The following PTPRG variants were observed in gnomAD, a reference collection of about 807,000 sequenced individuals.
The protein encoded by PTPRG is protein tyrosine phosphatase receptor type G.
A neutral mutation model predicts 165.3 loss-of-function variants in PTPRG; 102 were observed. The observed-to-expected ratio is 0.62, with a 90% confidence interval of 0.53 to 0.73. The LOEUF (loss-of-function observed/expected upper bound fraction) is 0.73. PTPRG is among the 30% of genes least tolerant of loss of function. The pLI is 0.00. For missense variants in PTPRG, 1,866 were observed against 1,861.4 expected (o/e 1.00, Z -0.05); for synonymous variants, 675 against 669.5 (o/e 1.01, Z -0.13).
intron 2 of PTPRG, among the ~76,000 whole-genome samples, chr3:61,775,148 G>T (rs1269451201): frequency 6.6e-6 from 1 of 152,110 alleles, no homozygotes; most frequent in Non-Finnish European, 1.5e-5. Flanking sequence ...TTGGCTCGCT[G>T]CAACCTCTGC....
At chr3:61,803,553 A>G (rs1279057485) in intron 2 of PTPRG, among the ~76,000 whole-genome samples, 1 of 144,230 alleles carries the variant, frequency 6.9e-6, no homozygotes, top group South Asian at 2.1e-4. Context: ...TGCAACCCAC[A>G]GTACTATTTC....
intron 1 of PTPRG, among the ~76,000 whole-genome samples, chr3:61,580,683 A>G (rs1208288744): frequency 6.6e-6 from 1 of 152,204 alleles, no homozygotes; most frequent in Non-Finnish European, 1.5e-5. Flanking sequence ...AAACTTAGTA[A>G]GTGTTACATA....
At chr3:62,276,798 T>A (rs1462220035) in intron 24 of PTPRG, 174 bp from the exon 25 acceptor site, 2 of 579,744 alleles carry the variant, frequency 3.4e-6, no homozygotes, top group East Asian at 5.8e-5. Flanking sequence ...CAGCAAAATT[T>A]CATTTTACAT....
At position 61,836,050 on chromosome 3, in the gene PTPRG, G is replaced by GC. The variant is rs36143527; in HGVS notation, c.190+87077dup. Among the ~76,000 whole-genome samples, 114 of 90,768 alleles carry GC rather than the reference G, an allele frequency of 1.3e-3. 1 individual carries two copies. Among genetic ancestry groups the GC allele is most frequent in the South Asian group, 5.6e-3 (15 of 2,700 alleles). 59.5% of individuals were successfully genotyped at this position (90,768 alleles called of 152,430 possible). A position where few individuals can be genotyped will look rare whatever the true frequency, so the allele number is the denominator to read the frequency against. ...AGTAAATCTCCGTCTCACCCCCCGC[G>GC]CCCCCCCCCACCAAAAAAAAAAATA... On this transcript the variant is annotated intron_variant, in intron 2 of 29. Coordinates refer to ENST00000474889, the MANE Select transcript of PTPRG (RefSeq NM_002841.4).
intron 2 of PTPRG, among the ~76,000 whole-genome samples, chr3:61,793,216 G>C (rs1242959951): frequency 6.6e-6 from 1 of 152,164 alleles, no homozygotes; most frequent in Non-Finnish European, 1.5e-5. Flanking sequence ...ACCGTGACCA[G>C]AATGGGAGTG....
intron 1 of PTPRG, among the ~76,000 whole-genome samples, chr3:61,625,077 T>A (rs184471370): frequency 2.0e-4 from 31 of 151,972 alleles, no homozygotes; most frequent in Non-Finnish European, 4.0e-4. Context: ...GTTCATATTT[T>A]CTCTCTTTTC....
chr3:61,803,469 A>ACAACATGGTTCATGTTGTCCATGTTGTC (rs542302542), intron 2 of PTPRG, among the ~76,000 whole-genome samples: 42 of 131,032 alleles, frequency 3.2e-4, no homozygotes, highest in Admixed American at 8.3e-4. Context: ...ATTGTTTTGG[A>ACAACATGGTTCATGTTGTCCATGTTGTC]CAACATGGTT....
intron 2 of PTPRG, among the ~76,000 whole-genome samples, chr3:61,795,115 G>C (rs1170858718): frequency 6.6e-6 from 1 of 152,062 alleles, no homozygotes; most frequent in African/African-American, 2.4e-5. Context: ...ATCCCTTTTA[G>C]TATCCCATTT....
intron 2 of PTPRG, among the ~76,000 whole-genome samples, chr3:61,981,303 T>G (rs936883575): frequency 6.6e-6 from 1 of 152,184 alleles, no homozygotes; most frequent in Non-Finnish European, 1.5e-5. Flanking sequence ...TAAGATGACA[T>G]TTGGATGGGG....
At chr3:61,761,669 T>C (rs371511635) in intron 2 of PTPRG, among the ~76,000 whole-genome samples, 2 of 152,174 alleles carry the variant, frequency 1.3e-5, no homozygotes, top group Non-Finnish European at 2.9e-5. Flanking sequence ...TGCAACCCAT[T>C]TCTTGAATTG....
chr3:62,179,415 G>A (rs534217538), intron 8 of PTPRG, among the ~76,000 whole-genome samples: 19 of 152,322 alleles, frequency 1.2e-4, no homozygotes, highest in African/African-American at 2.2e-4. Context: ...CTGAGAAGGC[G>A]CTGCCTGTAT....
intron 1 of PTPRG, among the ~76,000 whole-genome samples, chr3:61,626,895 C>T (rs1701624495): frequency 6.6e-6 from 1 of 152,124 alleles, no homozygotes; most frequent in Non-Finnish European, 1.5e-5. Flanking sequence ...GGGATACAGC[C>T]TGATGTAAAA....
intron 1 of PTPRG, among the ~76,000 whole-genome samples, chr3:61,582,685 A>G (rs1700329549): frequency 6.6e-6 from 1 of 152,190 alleles, no homozygotes; most frequent in South Asian, 2.1e-4. Context: ...TCCAGGCTGT[A>G]GATACAGAAA....
chr3:61,984,433 C>G (rs2040709469), intron 2 of PTPRG, among the ~76,000 whole-genome samples: 1 of 152,158 alleles, frequency 6.6e-6, no homozygotes, highest in Non-Finnish European at 1.5e-5. Context: ...AAGAATATGA[C>G]AGTCATCCCA....
At chr3:61,666,900 G>C (rs1210169068) in intron 1 of PTPRG, among the ~76,000 whole-genome samples, 2 of 152,162 alleles carry the variant, frequency 1.3e-5, no homozygotes, top group Non-Finnish European at 2.9e-5. Context: ...GTTCAAAAAT[G>C]GTGTAGAACA....
rs565053396 is a variant in PTPRG, at chr3:61,961,533, GT to G, written c.191-28089del. Among the ~76,000 whole-genome samples the G allele has an allele frequency of 3.0e-3, 451 of 152,296 alleles. 4 individuals are homozygous for G. The highest frequency in any genetic ancestry group is 0.011 in the African/African-American group (438 of 41,556). ...TCTGTTTGGTCCCCTAAATAAGAAA[GT>G]TTAGGCACATCATTCCTCAAAGATC... On this transcript the variant is annotated intron_variant, in intron 2 of 29. Coordinates refer to ENST00000474889, the MANE Select transcript of PTPRG (RefSeq NM_002841.4).
intron 24 of PTPRG, 117 bp downstream of exon 24, chr3:62,276,083 G>A (rs1214952295): frequency 3.4e-5 from 22 of 638,462 alleles, no homozygotes; most frequent in Middle Eastern, 2.7e-4. Context: ...GTACGTGGCC[G>A]TATGGTAGAA....
chr3:61,705,587 G>A (rs549074835), intron 1 of PTPRG, among the ~76,000 whole-genome samples: 1 of 152,174 alleles, frequency 6.6e-6, no homozygotes, highest in Non-Finnish European at 1.5e-5. Flanking sequence ...AGTAGGAGGT[G>A]TATAACTGTG....
chr3:61,747,790 A>C (rs907222182), intron 1 of PTPRG, among the ~76,000 whole-genome samples: 1 of 147,410 alleles, frequency 6.8e-6, no homozygotes. Flanking sequence ...ACTTTCTTAA[A>C]TTTTTTTTTT....
Sources: allele counts gnomAD v4.1 joint callset (sites outside exome capture counted in the v4.1 genomes callset), GRCh38; gene constraint gnomAD v4.1.1; transcripts MANE v1.5; gene names NCBI Gene and HGNC (gene_info 2026-07-23, HGNC 2026-07-21).